TENM3: variants seen among roughly 807,000 people sequenced by gnomAD.
The protein encoded by TENM3 is teneurin transmembrane protein 3, also known as teneurin-3.
TENM3 carries 63 observed loss-of-function variants against 255.1 expected under a neutral mutation model. The ratio of observed to expected loss-of-function variants is 0.25; its 90% CI spans 0.20 to 0.30. The LOEUF is 0.30. Among genes scored for constraint, TENM3 ranks in the 10% least tolerant of loss-of-function variants. TENM3 has a pLI of 1.00. For synonymous variants in TENM3, 1,306 were observed against 1,322.3 expected (o/e 0.99, Z 0.27); for missense variants, 2,929 against 3,461.1 (o/e 0.85, Z 3.86).
chr4:182,578,158 G>A (rs554642235), intron 3 of TENM3, among the ~76,000 whole-genome samples: 8 of 152,106 alleles, frequency 5.3e-5, no homozygotes, highest in Non-Finnish European at 7.4e-5. Context: ...TGTATTTTTA[G>A]TAGAGACGGG....
intron 3 of TENM3, among the ~76,000 whole-genome samples, chr4:182,513,904 C>G (rs993071951): frequency 1.3e-5 from 2 of 152,202 alleles, no homozygotes; most frequent in Non-Finnish European, 2.9e-5. Context: ...ACAGAGAGCT[C>G]TTGTGCCTCA....
At chr4:181,836,551 C>T in the TENM3 span, among the ~76,000 whole-genome samples, 1 of 152,158 alleles carries the variant, frequency 6.6e-6, no homozygotes, top group Non-Finnish European at 1.5e-5. Context: ...ATCCTTTCCT[C>T]ATTGATTTCC....
the TENM3 span, among the ~76,000 whole-genome samples, chr4:181,656,247 C>T: frequency 6.6e-6 from 1 of 152,070 alleles, no homozygotes; most frequent in Non-Finnish European, 1.5e-5. Flanking sequence ...GCTAAGACCC[C>T]ACAATGTAGA....
the TENM3 span, among the ~76,000 whole-genome samples, chr4:181,860,455 G>C: frequency 2.6e-5 from 4 of 152,164 alleles, no homozygotes; most frequent in African/African-American, 9.7e-5. Context: ...AATTTCTTTA[G>C]ACTTTGATAA....
the TENM3 span, among the ~76,000 whole-genome samples, chr4:181,822,033 G>C: frequency 1.1e-4 from 16 of 152,258 alleles, no homozygotes; most frequent in African/African-American, 3.9e-4. Context: ...AAGAACAAGA[G>C]AGCTTTTCTT....
rs1220741868 is a variant in TENM3 at position 182,194,708 on chromosome 4, A to G, written c.-76+49954A>G. Reference sequence around the variant, plus strand: ...TGGGTGTGGAAAATGTAACCCTGTGATGGGAGACAAGTGAAGTTTGAGAAG... The same window carrying G: ...TGGGTGTGGAAAATGTAACCCTGTGGTGGGAGACAAGTGAAGTTTGAGAAG... On this transcript the variant is annotated intron_variant, in intron 1 of 2. Coordinates refer to the TENM3 transcript ENST00000512480. Among the ~76,000 whole-genome samples the G allele has an allele frequency of 3.3e-5, 5 of 152,302 alleles. No individual in the cohort carries two copies. The East Asian group carries it at 9.7e-4, about 30-fold the overall frequency.
chr4:181,711,301 T>C, the TENM3 span, among the ~76,000 whole-genome samples: 1 of 151,644 alleles, frequency 6.6e-6, no homozygotes, highest in Non-Finnish European at 1.5e-5. Flanking sequence ...ATAAATCATA[T>C]ATCAGTTTAA....
chr4:182,756,818 A>G lies in TENM3; in HGVS notation c.4892+1559A>G, dbSNP rs562804865. Among the ~76,000 whole-genome samples, 115 of 152,342 alleles carry G rather than the reference A, an allele frequency of 7.5e-4. 3 individuals are homozygous for G. In the South Asian group the frequency reaches 0.023, roughly 31 times the overall value. ...AGGAACAAACCTTTTCAATTGAATT[A>G]CATTAAAATTCTGTTCTTAGCATTC... On this transcript the variant is annotated intron_variant, in intron 22 of 27. Transcript: ENST00000511685.
the TENM3 span, among the ~76,000 whole-genome samples, chr4:181,621,807 T>G: frequency 3.9e-5 from 6 of 152,156 alleles, no homozygotes; most frequent in African/African-American, 1.4e-4. Flanking sequence ...AAGTTTGTAC[T>G]AAACTGAGAT....
In TENM3 at chr4:182,629,345, C is replaced by T. The variant is rs184454490; in HGVS notation, c.988+456C>T. 8.5e-5 allele frequency among the ~76,000 whole-genome samples: 13 copies of T among 152,226 alleles called. No individual in the cohort carries two copies. The East Asian group carries it at 1.4e-3, about 16-fold the overall frequency. ...CATCACTCAGGGCCATCATCTTGCA[C>T]TCAGGAACACTCTCCAGAGAACTGG... On this transcript the variant is annotated intron_variant, in intron 5 of 27. Transcript: ENST00000511685.
chr4:181,631,985 T>C, the TENM3 span, among the ~76,000 whole-genome samples: 2 of 152,214 alleles, frequency 1.3e-5, no homozygotes, highest in Non-Finnish European at 2.9e-5. Context: ...CATGAGTTTT[T>C]TAGAGTAAGA....
chr4:181,996,953 G>A, the TENM3 span, among the ~76,000 whole-genome samples: 1 of 152,096 alleles, frequency 6.6e-6, no homozygotes, highest in African/African-American at 2.4e-5. Flanking sequence ...AATGACTGAT[G>A]GTCTTCCTAA....
At chr4:181,671,000 ATATT>A in the TENM3 span, among the ~76,000 whole-genome samples, 1 of 152,216 alleles carries the variant, frequency 6.6e-6, no homozygotes, top group Non-Finnish European at 1.5e-5. Context: ...TAAAGAATAC[ATATT>A]TATTTAAGTA....
At chr4:182,796,327 G>A (rs1025247942) in intron 26 of TENM3, among the ~76,000 whole-genome samples, 2 of 152,204 alleles carry the variant, frequency 1.3e-5, no homozygotes, top group African/African-American at 4.8e-5. Context: ...TCCTGCTGCT[G>A]TGCATTGTTC....
intron 3 of TENM3, among the ~76,000 whole-genome samples, chr4:182,471,006 A>G (rs956174737): frequency 1.3e-5 from 2 of 152,320 alleles, no homozygotes; most frequent in African/African-American, 4.8e-5. Context: ...ACGTCCGTCA[A>G]TGTGAATACA....
chr4:181,508,279 C>T, the TENM3 span, among the ~76,000 whole-genome samples: 1 of 152,202 alleles, frequency 6.6e-6, no homozygotes, highest in South Asian at 2.1e-4. Flanking sequence ...TCCCTCTGAG[C>T]TTTGATCTCT....
chr4:181,717,770 C>T, the TENM3 span, among the ~76,000 whole-genome samples: 7 of 152,146 alleles, frequency 4.6e-5, no homozygotes, highest in South Asian at 1.5e-3. Context: ...TGTATCTATT[C>T]CTCCTTACTG....
chr4:182,484,448 A>G (rs1734508048), intron 3 of TENM3, among the ~76,000 whole-genome samples: 1 of 152,144 alleles, frequency 6.6e-6, no homozygotes, highest in Admixed American at 6.6e-5. Flanking sequence ...AGCTGACAGA[A>G]CAGTGGTAAT....
chr4:182,112,371 T>C, the TENM3 span, among the ~76,000 whole-genome samples: 11 of 152,282 alleles, frequency 7.2e-5, no homozygotes, highest in Middle Eastern at 0.017. Context: ...AACAGACTTT[T>C]GTGCACAACA....
Sources: allele counts gnomAD v4.1 joint callset (sites outside exome capture counted in the v4.1 genomes callset), GRCh38; gene constraint gnomAD v4.1.1; transcripts MANE v1.5; gene names NCBI Gene and HGNC (gene_info 2026-07-23, HGNC 2026-07-21).